Variants in PRKCA observed in about 807,000 individuals in gnomAD.
PRKCA encodes the protein protein kinase C alpha, also known as protein kinase C alpha type.
In PRKCA, 27 loss-of-function variants were observed where a neutral mutation model predicts 87.0. That is an observed-to-expected ratio of 0.31 (90% CI 0.23 to 0.43). PRKCA has a LOEUF of 0.43. Ranked by LOEUF, PRKCA falls within the 20% of genes least tolerant of loss-of-function variation. The pLI is 1.00. For missense variants in PRKCA, 518 were observed against 852.3 expected, an observed-to-expected ratio of 0.61 and a Z score of 4.88; for synonymous variants, 329 against 311.1, an observed-to-expected ratio of 1.06 and a Z score of -0.61.
Position 66,360,929 on chromosome 17 carries a change from G to A in PRKCA, c.205+54802G>A, listed in dbSNP as rs117070010. 1.3e-4 allele frequency among the ~76,000 whole-genome samples: 20 copies of A among 151,772 alleles called. No individual in the cohort carries two copies. The East Asian group carries it at 3.7e-3, about 28-fold the overall frequency. On this transcript the variant is annotated intron_variant, in intron 2 of 16. Coordinates refer to ENST00000413366, the MANE Select transcript of PRKCA (RefSeq NM_002737.3). The stretch of plus-strand genomic sequence containing the variant: ...TTCTTTTGGTTGAAGGAATTTAAGA[G>A]TATCGTCTTTATCTGGTTTTATGTA...
chr17:66,687,243 C>T lies in PRKCA; in HGVS notation c.662C>T (p.Pro221Leu), dbSNP rs759130548. The stretch of plus-strand genomic sequence containing the variant: ...AAAACCATCCGCTCCACACTAAATC[C>T]GCAGTGGAATGAGTCCTTTACATTG... Reference protein sequence around the residue: ...KTKTIRSTLNPQWNESFTFKL... With the variant: ...KTKTIRSTLNLQWNESFTFKL... The change falls in exon 6 of 17, where the codon CCG becomes CTG. Residue 221 changes from proline (P) to leucine (L), a missense_variant. By Grantham distance (98) the Pro-to-Leu change is moderately conservative. Transcript: ENST00000413366. 2 of 1,614,056 alleles carry T rather than the reference C, an allele frequency of 1.2e-6. No individual in the cohort carries two copies. The highest frequency in any genetic ancestry group is 1.1e-5 in the South Asian group (1 of 91,078).
At position 66,688,312 on chromosome 17, in the gene PRKCA, C is replaced by T. The variant is rs1360216746; in HGVS notation, c.697C>T (p.Pro233Ser). 6.2e-7 allele frequency: 1 copy of T among 1,614,068 alleles called. No homozygotes were observed. Among genetic ancestry groups the T allele is most frequent in the Admixed American group, 1.7e-5 (1 of 60,016 alleles). The change falls in exon 7 of 17, where the codon CCT becomes TCT. Residue 233 changes from proline to serine, a missense_variant. Physicochemically the swap from Pro to Ser is moderately conservative, Grantham distance 74 (BLOSUM62 -1). Transcript: ENST00000413366. ...WNESFTFKLK[P>S]SDKDRRLSVE... ...GTGTGTGTCTTGTAGCAAATTGAAA[C>T]CTTCAGACAAAGACCGACGACTGTC...
chr17:66,794,741 C>T (rs938742154), intron 16 of PRKCA, among the ~76,000 whole-genome samples: 5 of 152,090 alleles, frequency 3.3e-5, no homozygotes, highest in East Asian at 3.9e-4. Context: ...CTGCCTCAGC[C>T]TCCTGAGTAG....
At chr17:66,628,663 A>G (rs1361357232) in intron 3 of PRKCA, among the ~76,000 whole-genome samples, 1 of 152,206 alleles carries the variant, frequency 6.6e-6, no homozygotes, top group African/African-American at 2.4e-5. Context: ...TTACTAGAAT[A>G]CTATTTTACC....
At chr17:66,582,050 G>C (rs1306482835) in intron 3 of PRKCA, among the ~76,000 whole-genome samples, 2 of 152,148 alleles carry the variant, frequency 1.3e-5, no homozygotes, top group African/African-American at 2.4e-5. Flanking sequence ...ATCCTAGTTG[G>C]TCAGTGTCCA....
intron 3 of PRKCA, among the ~76,000 whole-genome samples, chr17:66,558,690 G>A (rs573604381): frequency 2.0e-5 from 3 of 152,292 alleles, no homozygotes; most frequent in South Asian, 4.1e-4. Context: ...GAGAGTAAGG[G>A]GGGGAGGGAG....
At chr17:66,632,721 C>T (rs1348648592) in intron 3 of PRKCA, among the ~76,000 whole-genome samples, 1 of 152,162 alleles carries the variant, frequency 6.6e-6, no homozygotes, top group East Asian at 1.9e-4. Context: ...TCTTAGAGAT[C>T]TGTCCATGAT....
rs112590262 is a variant in PRKCA at position 66,744,285 on chromosome 17, A to G, written c.1524+1525A>G. Among the ~76,000 whole-genome samples the G allele has an allele frequency of 5.9e-5, 9 of 152,324 alleles. 1 individual carries two copies. Among genetic ancestry groups the G allele is most frequent in the South Asian group, 2.1e-4 (1 of 4,826 alleles). Reference sequence around the variant, plus strand: ...AATTAAATAGTCTTATTTTTCAAATATGAGGAATAGTCAGGGTACTGTCAG... The same window carrying G: ...AATTAAATAGTCTTATTTTTCAAATGTGAGGAATAGTCAGGGTACTGTCAG... On this transcript the variant is annotated intron_variant, in intron 13 of 16. Transcript: ENST00000413366.
Position 66,302,735 on chromosome 17 carries a change from C to A in PRKCA, c.-117C>A, listed in dbSNP as rs1361134343. 6.7e-6 allele frequency: 5 copies of A among 745,038 alleles called. 1 individual carries two copies. The highest frequency in any genetic ancestry group is 1.9e-5 in the African/African-American group (1 of 51,910). 46.2% of individuals were successfully genotyped at this position (745,038 alleles called of 1,614,324 possible). ...CCCTCGCCGCGACCTCGGCCACCGG[C>A]CCGCGCCCCGCGCCCGGGGTCGCCC... On this transcript the variant is annotated 5_prime_UTR_variant, in exon 1 of 17. Coordinates refer to ENST00000413366, the MANE Select transcript of PRKCA (RefSeq NM_002737.3).
At chr17:66,666,942 C>T (rs1024506171) in intron 5 of PRKCA, among the ~76,000 whole-genome samples, 2 of 152,096 alleles carry the variant, frequency 1.3e-5, no homozygotes, top group African/African-American at 2.4e-5. Context: ...ACCATGAAAA[C>T]GAAGGCATAA....
At chr17:66,684,331 A>G (rs1282090978) in intron 5 of PRKCA, among the ~76,000 whole-genome samples, 1 of 152,226 alleles carries the variant, frequency 6.6e-6, no homozygotes, top group East Asian at 1.9e-4. Context: ...AAACTTAGGA[A>G]GATAAAATAG....
rs61521684 is a variant in PRKCA at position 66,350,789 on chromosome 17, T to A, written c.205+44662T>A. Among the ~76,000 whole-genome samples the A allele has an allele frequency of 9.6e-3, 1,454 of 152,180 alleles. 23 individuals are homozygous for A. Among genetic ancestry groups the A allele is most frequent in the African/African-American group, 0.032 (1,337 of 41,488 alleles). ...ATCTGCTTGCCTTGGCCTCCCAAACTGCTGGGATTACAGACGTGAGGCACC... is the reference window on the plus strand; with the variant it reads ...ATCTGCTTGCCTTGGCCTCCCAAACAGCTGGGATTACAGACGTGAGGCACC... On this transcript the variant is annotated intron_variant, in intron 2 of 16. Coordinates refer to ENST00000413366, the MANE Select transcript of PRKCA (RefSeq NM_002737.3).
At chr17:66,607,866 A>G (rs923756745) in intron 3 of PRKCA, among the ~76,000 whole-genome samples, 5 of 152,244 alleles carry the variant, frequency 3.3e-5, no homozygotes, top group African/African-American at 1.2e-4. Context: ...CATACCCTTC[A>G]GTAAAAAGAG....
chr17:66,728,040 C>T (rs539153857), intron 8 of PRKCA, among the ~76,000 whole-genome samples: 2 of 152,298 alleles, frequency 1.3e-5, no homozygotes, highest in Admixed American at 6.5e-5. Context: ...GTTGCCGTAC[C>T]GTGGAGTTTC....
At chr17:66,574,232 A>G (rs1969159696) in intron 3 of PRKCA, among the ~76,000 whole-genome samples, 1 of 152,182 alleles carries the variant, frequency 6.6e-6, no homozygotes, top group African/African-American at 2.4e-5. Flanking sequence ...GAAAGACTAT[A>G]TTTATAAGGG....
chr17:66,535,446 C>T (rs1184983971), intron 3 of PRKCA, among the ~76,000 whole-genome samples: 1 of 152,158 alleles, frequency 6.6e-6, no homozygotes, highest in African/African-American at 2.4e-5. Flanking sequence ...ATGTGCAGTG[C>T]AGCTTCTTTA....
At chr17:66,437,731 T>TTTTTTTTGGGG (rs55779501) in intron 2 of PRKCA, among the ~76,000 whole-genome samples, 2 of 11,142 alleles carry the variant, frequency 1.8e-4, no homozygotes, top group African/African-American at 3.9e-4. Flanking sequence ...TTTTTTTTTT[T>TTTTTTTTGGGG]GAGCGGGGGG....
chr17:66,759,170 A>C (rs1487406550), intron 13 of PRKCA, among the ~76,000 whole-genome samples: 3 of 152,006 alleles, frequency 2.0e-5, no homozygotes, highest in African/African-American at 4.8e-5. Flanking sequence ...CTGGCTAACA[A>C]GGTGAAACCC....
chr17:66,658,676 G>C (rs143650466), intron 5 of PRKCA, among the ~76,000 whole-genome samples: 221 of 152,268 alleles, frequency 1.5e-3, no homozygotes, highest in African/African-American at 5.1e-3. Context: ...CCCAACTATA[G>C]CACTAATTAA....
Sources: gnomAD v4.1 joint callset for allele counts (sites outside exome capture counted in the v4.1 genomes callset) on GRCh38, gnomAD v4.1.1 for gene constraint, MANE v1.5 for transcripts, NCBI Gene and HGNC (gene_info 2026-07-23, HGNC 2026-07-21) for gene names.